Variants in DPYD observed in about 807,000 individuals in gnomAD.
The protein encoded by DPYD is dihydropyrimidine dehydrogenase [NADP(+)].
Under a neutral mutation model 116.2 loss-of-function variants are expected in DPYD, and 109 were observed. The observed-to-expected ratio is 0.94, with a 90% CI of 0.80 to 1.10. The LOEUF is 1.10. DPYD is among the 50% of genes least tolerant of loss of function. The probability of loss-of-function intolerance (pLI) is 0.00; values close to 1 mark genes in which losing one functional copy is unlikely to be tolerated. For missense variants in DPYD, 1,302 were observed against 1,254.5 expected, an observed-to-expected ratio of 1.04 and a Z score of -0.57; for synonymous variants, 440 against 432.0, an observed-to-expected ratio of 1.02 and a Z score of -0.23.
At position 97,463,232 on chromosome 1, in the gene DPYD, G is replaced by A. The variant is rs538810194; in HGVS notation, c.1741-13009C>T. Among the ~76,000 whole-genome samples the A allele has an allele frequency of 1.2e-4, 19 of 152,212 alleles. No homozygotes were observed. The East Asian group carries it at 2.7e-3, about 22-fold the overall frequency. On this transcript the variant is annotated intron_variant, in intron 13 of 22. Coordinates refer to ENST00000370192, the MANE Select transcript of DPYD (RefSeq NM_000110.4). ...ACCCGGTGGGAGATAACAGAATCAT[G>A]GGGCAAGTCTTTCCTGTGATGTTCT...
intron 8 of DPYD, among the ~76,000 whole-genome samples, chr1:97,634,003 A>G (rs1416802898): frequency 1.3e-5 from 2 of 152,096 alleles, no homozygotes; most frequent in Non-Finnish European, 2.9e-5. Context: ...ATAAGGGGAA[A>G]GAAGATAACT....
chr1:97,756,956 G>A (rs929098409), intron 3 of DPYD, among the ~76,000 whole-genome samples: 4 of 152,120 alleles, frequency 2.6e-5, no homozygotes, highest in Non-Finnish European at 4.4e-5. Flanking sequence ...TGTCATCTCC[G>A]TTGAGAAGCT....
intron 21 of DPYD, among the ~76,000 whole-genome samples, chr1:97,089,277 G>C (rs1456286787): frequency 6.6e-6 from 1 of 152,152 alleles, no homozygotes; most frequent in Non-Finnish European, 1.5e-5. Flanking sequence ...AACAGAAGTG[G>C]AAAGCATTCG....
At chr1:97,744,259 G>A (rs1210976007) in intron 3 of DPYD, among the ~76,000 whole-genome samples, 2 of 151,938 alleles carry the variant, frequency 1.3e-5, no homozygotes, top group South Asian at 2.1e-4. Flanking sequence ...TGACTCCATA[G>A]TATGACACCA....
intron 2 of DPYD, among the ~76,000 whole-genome samples, chr1:97,875,498 C>A (rs930238032): frequency 2.0e-5 from 3 of 151,944 alleles, no homozygotes; most frequent in Admixed American, 2.0e-4. Context: ...ACCCAAAATG[C>A]CTTTGCATAA....
chr1:97,098,872 T>C (rs1016341797), intron 20 of DPYD, among the ~76,000 whole-genome samples: 7 of 152,112 alleles, frequency 4.6e-5, no homozygotes. Context: ...GTATTACATA[T>C]ACAAATGTTA....
intron 7 of DPYD, among the ~76,000 whole-genome samples, chr1:97,688,234 A>G (rs2100941001): frequency 6.6e-6 from 1 of 152,336 alleles, no homozygotes; most frequent in Non-Finnish European, 1.5e-5. Context: ...TAAGAAAACA[A>G]AACTTTGATA....
chr1:97,656,964 GTA>G lies in DPYD; in HGVS notation c.850+22129_850+22130del, dbSNP rs1258857715. ...AATTTCTTAACTCTGCTGCATGATT[GTA>G]TTTTTTTTTTTTTTTTTTTTGGATG... is the stretch of plus-strand genomic sequence containing the variant. On this transcript the variant is annotated intron_variant, in intron 8 of 22. Transcript: ENST00000370192. Among the ~76,000 whole-genome samples, 520 of 123,798 alleles carry G rather than the reference GTA, an allele frequency of 4.2e-3. 2 individuals are homozygous for G. The highest frequency in any genetic ancestry group is 0.014 in the African/African-American group (498 of 34,646). The allele number at this position is 123,798 out of a possible 152,430, so 81.2% of individuals were successfully genotyped here. A position where few individuals can be genotyped will look rare whatever the true frequency, so the allele number is the denominator to read the frequency against.
intron 14 of DPYD, among the ~76,000 whole-genome samples, chr1:97,428,809 T>C (rs778475719): frequency 6.6e-6 from 1 of 152,080 alleles, no homozygotes; most frequent in Non-Finnish European, 1.5e-5. Flanking sequence ...TAGGTGTTTT[T>C]ATGTTTGCTC....
At chr1:97,741,695 T>C (rs1010072099) in intron 3 of DPYD, among the ~76,000 whole-genome samples, 2 of 152,206 alleles carry the variant, frequency 1.3e-5, no homozygotes, top group Non-Finnish European at 2.9e-5. Context: ...ATAAAAGTGT[T>C]GGAAAAAGAT....
At chr1:97,789,330 TC>T (rs908034180) in intron 3 of DPYD, among the ~76,000 whole-genome samples, 21 of 152,174 alleles carry the variant, frequency 1.4e-4, no homozygotes, top group Admixed American at 5.2e-4. Flanking sequence ...GAGCTGACCC[TC>T]CCTCAGAAAT....
chr1:97,590,792 A>G (rs1432993283), intron 10 of DPYD, among the ~76,000 whole-genome samples: 4 of 152,054 alleles, frequency 2.6e-5, no homozygotes, highest in Admixed American at 1.3e-4. Flanking sequence ...ACTCACATTA[A>G]CCAATAGCTC....
chr1:97,799,557 T>C (rs1427883338), intron 3 of DPYD, among the ~76,000 whole-genome samples: 1 of 151,950 alleles, frequency 6.6e-6, no homozygotes, highest in East Asian at 1.9e-4. Flanking sequence ...GAAATAAACA[T>C]ATGTTGCTAC....
intron 2 of DPYD, among the ~76,000 whole-genome samples, chr1:97,834,966 G>A (rs951641651): frequency 9.2e-5 from 14 of 151,914 alleles, no homozygotes; most frequent in African/African-American, 3.4e-4. Context: ...TTCTAATCAA[G>A]AGATTCATAT....
intron 3 of DPYD, among the ~76,000 whole-genome samples, chr1:97,762,550 C>A (rs1460878364): frequency 6.6e-6 from 1 of 152,038 alleles, no homozygotes; most frequent in Non-Finnish European, 1.5e-5. Context: ...ATTAAGTCAA[C>A]CTTTATATTT....
chr1:97,701,644 C>T (rs2100978026), intron 5 of DPYD, among the ~76,000 whole-genome samples: 1 of 151,868 alleles, frequency 6.6e-6, no homozygotes, highest in Non-Finnish European at 1.5e-5. Flanking sequence ...ACATATACCA[C>T]AAACTATTGT....
chr1:97,640,719 C>T (rs895749068), intron 8 of DPYD, among the ~76,000 whole-genome samples: 2 of 152,074 alleles, frequency 1.3e-5, no homozygotes, highest in Admixed American at 6.6e-5. Flanking sequence ...AAAGGTGGGA[C>T]AGAGCCTGAG....
At chr1:97,790,781 T>C (rs537050455) in intron 3 of DPYD, among the ~76,000 whole-genome samples, 1 of 152,294 alleles carries the variant, frequency 6.6e-6, no homozygotes, top group East Asian at 1.9e-4. Flanking sequence ...AGACATTCTG[T>C]TGAGTTCAAA....
rs180941935 is a variant in DPYD, at chr1:97,271,290, A to C, written c.2299+33969T>G. On this transcript the variant is annotated intron_variant, in intron 18 of 22. Coordinates refer to ENST00000370192, the MANE Select transcript of DPYD (RefSeq NM_000110.4). ...ATCATTAACAAGGATTTTGAAAATA[A>C]AAGAAAATTAAATGTAGTGTAGAGA... 4.5e-3 allele frequency among the ~76,000 whole-genome samples: 685 copies of C among 152,336 alleles called. 3 individuals carry two copies. Among genetic ancestry groups the C allele is most frequent in the Non-Finnish European group, 7.6e-3 (515 of 68,030 alleles).
Sources: gnomAD v4.1 joint callset for allele counts (sites outside exome capture counted in the v4.1 genomes callset) on GRCh38, gnomAD v4.1.1 for gene constraint, MANE v1.5 for transcripts, NCBI Gene and HGNC (gene_info 2026-07-23, HGNC 2026-07-21) for gene names.